The following ABLIM1 variants were observed in gnomAD, a reference collection of about 807,000 sequenced individuals.
ABLIM1 encodes the protein actin binding LIM protein 1.
Under a neutral mutation model 107.0 loss-of-function variants are expected in ABLIM1, and 40 were observed. That is an observed-to-expected ratio of 0.37 (90% confidence interval 0.29 to 0.49). The LOEUF is 0.49. Ranked by LOEUF, ABLIM1 falls within the 20% of genes least tolerant of loss-of-function variation. The pLI is 0.97. For synonymous variants in ABLIM1, 357 were observed against 357.3 expected (o/e 1.00, Z 0.01); for missense variants, 857 against 1,008.5 (o/e 0.85, Z 2.04).
At chr10:114,630,685 CT>C (rs891136473) in intron 1 of ABLIM1, among the ~76,000 whole-genome samples, 2 of 152,076 alleles carry the variant, frequency 1.3e-5, no homozygotes, top group African/African-American at 4.8e-5. Context: ...AATCTATTCC[CT>C]ATAGTAGCTT....
At chr10:114,640,726 C>T (rs1591701622) in intron 1 of ABLIM1, among the ~76,000 whole-genome samples, 1 of 152,094 alleles carries the variant, frequency 6.6e-6, no homozygotes, top group South Asian at 2.1e-4. Context: ...TGGCTTTGCA[C>T]AATAAAAGGT....
intron 1 of ABLIM1, among the ~76,000 whole-genome samples, chr10:114,711,180 T>C (rs1160781077): frequency 2.0e-5 from 3 of 152,232 alleles, no homozygotes; most frequent in Non-Finnish European, 4.4e-5. Context: ...TTGTTACACG[T>C]AAGGAACGGA....
chr10:114,471,483 C>T (rs1254062199), intron 10 of ABLIM1, among the ~76,000 whole-genome samples: 1 of 152,144 alleles, frequency 6.6e-6, no homozygotes, highest in Non-Finnish European at 1.5e-5. Flanking sequence ...TCAATGGCAA[C>T]TGACAACCCG....
Position 114,441,894 on chromosome 10 carries a change from T to A in ABLIM1, c.1934-108A>T, listed in dbSNP as rs537674371. 8 of 976,654 alleles carry A rather than the reference T, an allele frequency of 8.2e-6. 1 individual carries two copies. The East Asian group carries it at 1.5e-4, about 18-fold the overall frequency. The allele number at this position is 976,654 out of a possible 1,614,324, so 60.5% of individuals were successfully genotyped here. A position where few individuals can be genotyped will look rare whatever the true frequency, so the allele number is the denominator to read the frequency against. ...TCACAGGATAGAAATACCAAAAAAA[T>A]TCAAATCATATTGGGCTCAAATGTT... On this transcript the variant is annotated intron_variant, in intron 17 of 22. Transcript: ENST00000533213.
intron 1 of ABLIM1, among the ~76,000 whole-genome samples, chr10:114,670,711 C>A (rs146678532): frequency 0.011 from 1,736 of 152,318 alleles, 32 homozygotes; most frequent in African/African-American, 0.038. Flanking sequence ...CCAGGCTGGT[C>A]TTGAACTCCT....
At position 114,658,253 on chromosome 10, in the gene ABLIM1, G is replaced by A. The variant is rs543517711; in HGVS notation, c.-53C>T. On this transcript the variant is annotated 5_prime_UTR_variant, in exon 1 of 23. Transcript: ENST00000533213. ...AATGGGGAGTGGGGACCCAAGGAGC[G>A]GTGCTGCCCCACAATTCTCTCTGTT... 93 of 1,548,280 alleles carry A rather than the reference G, an allele frequency of 6.0e-5. No homozygotes were observed. Among genetic ancestry groups the A allele is most frequent in the East Asian group, 3.2e-4 (14 of 44,182 alleles).
rs189233633 is a variant in ABLIM1, at chr10:114,745,098, C to T, written c.-213+22963G>A. 1.8e-4 allele frequency among the ~76,000 whole-genome samples: 27 copies of T among 152,210 alleles called. 1 individual carries two copies. The East Asian group carries it at 1.9e-3, about 11-fold the overall frequency. On this transcript the variant is annotated intron_variant, in intron 1 of 15. Transcript: ENST00000651092. ...CTCCACCAGCAATTCTTGTCAATCC[C>T]CCCTCCAAAATATGCCACTAATTGG... is the stretch of plus-strand genomic sequence containing the variant.
chr10:114,645,888 T>C (rs982025260), intron 1 of ABLIM1, among the ~76,000 whole-genome samples: 1 of 152,248 alleles, frequency 6.6e-6, no homozygotes, highest in Admixed American at 6.5e-5. Flanking sequence ...TACCAAGCTC[T>C]ATAAAAATGA....
At chr10:114,557,634 T>C (rs1334630063) in intron 4 of ABLIM1, among the ~76,000 whole-genome samples, 3 of 151,166 alleles carry the variant, frequency 2.0e-5, no homozygotes, top group Non-Finnish European at 4.4e-5. Context: ...AGGAGTGTTC[T>C]GGACTTGAAA....
intron 1 of ABLIM1, among the ~76,000 whole-genome samples, chr10:114,670,511 T>C (rs1454076334): frequency 6.6e-6 from 1 of 152,240 alleles, no homozygotes; most frequent in Non-Finnish European, 1.5e-5. Flanking sequence ...GTTTTTTGTC[T>C]GTTTCAGACA....
chr10:114,469,339 A>G (rs73352068), intron 10 of ABLIM1, among the ~76,000 whole-genome samples: 3,719 of 152,184 alleles, frequency 0.024, 175 homozygotes, highest in African/African-American at 0.086. Context: ...ACTATCATTC[A>G]CCTCGCCAAT....
intron 4 of ABLIM1, 59 bp from the exon 5 acceptor site, chr10:114,547,835 C>A: frequency 6.3e-7 from 1 of 1,582,888 alleles, no homozygotes; most frequent in South Asian, 1.1e-5. Context: ...TCCAAGCAGG[C>A]AGCCCAATTT....
chr10:114,706,517 A>G (rs532259346), intron 1 of ABLIM1, among the ~76,000 whole-genome samples: 4 of 152,368 alleles, frequency 2.6e-5, no homozygotes, highest in East Asian at 1.9e-4. Flanking sequence ...AGCACAAACA[A>G]TAAACAACTA....
intron 1 of ABLIM1, among the ~76,000 whole-genome samples, chr10:114,627,584 C>T (rs1172768382): frequency 1.3e-5 from 2 of 152,006 alleles, no homozygotes; most frequent in African/African-American, 4.8e-5. Flanking sequence ...CAAAATGGGG[C>T]TTACAGAATC....
At chr10:114,516,190 C>G (rs1242980709) in intron 6 of ABLIM1, among the ~76,000 whole-genome samples, 1 of 151,594 alleles carries the variant, frequency 6.6e-6, no homozygotes, top group Non-Finnish European at 1.5e-5. Context: ...TAAACATTGT[C>G]TAAGGGAGTG....
chr10:114,523,052 G>A (rs1319058360), intron 6 of ABLIM1, among the ~76,000 whole-genome samples: 1 of 152,200 alleles, frequency 6.6e-6, no homozygotes, highest in Admixed American at 6.5e-5. Context: ...CTCGGAGGGT[G>A]AGGCAGGAGA....
chr10:114,452,838 A>AT (rs1394090598), intron 13 of ABLIM1, among the ~76,000 whole-genome samples: 1 of 152,240 alleles, frequency 6.6e-6, no homozygotes, highest in Non-Finnish European at 1.5e-5. Context: ...AAATTGCAAG[A>AT]TATCTTCACG....
chr10:114,525,283 A>T (rs1163281316), intron 6 of ABLIM1, among the ~76,000 whole-genome samples: 2 of 152,268 alleles, frequency 1.3e-5, no homozygotes, highest in Non-Finnish European at 2.9e-5. Context: ...TCAGGTTACA[A>T]GAACTGAGTA....
the ABLIM1 span, among the ~76,000 whole-genome samples, chr10:114,789,554 A>C: frequency 6.6e-6 from 1 of 152,146 alleles, no homozygotes; most frequent in African/African-American, 2.4e-5. Flanking sequence ...GAAGTGTATA[A>C]ATGTTCCCTT....
Sources: allele counts gnomAD v4.1 joint callset (sites outside exome capture counted in the v4.1 genomes callset), GRCh38; gene constraint gnomAD v4.1.1; transcripts MANE v1.5; gene names NCBI Gene and HGNC (gene_info 2026-07-23, HGNC 2026-07-21).